Variants in SMPDL3A observed in about 807,000 individuals in gnomAD.
SMPDL3A encodes sphingomyelin phosphodiesterase acid like 3A.
Under a neutral mutation model 38.5 loss-of-function variants are expected in SMPDL3A, and 39 were observed. That is an observed-to-expected ratio of 1.01 (90% confidence interval 0.78 to 1.32). The LOEUF is 1.32. SMPDL3A is among the 40% of genes most tolerant of loss of function. The pLI, the probability that SMPDL3A is intolerant of heterozygous loss-of-function variation, is 0.00. For missense variants in SMPDL3A, 502 were observed against 536.2 expected (o/e 0.94, Z 0.63); for synonymous variants, 180 against 194.3 (o/e 0.93, Z 0.61).
At chr6:122,792,634 T>TCC (rs139738644) in intron 1 of SMPDL3A, among the ~76,000 whole-genome samples, 1 of 146,498 alleles carries the variant, frequency 6.8e-6, no homozygotes, top group African/African-American at 2.5e-5. Flanking sequence ...TTCTTCTTCT[T>TCC]CCCCTTTTTT....
At chr6:122,796,016 C>G in intron 2 of SMPDL3A, 126 bp downstream of exon 2, 1 of 691,780 alleles carries the variant, frequency 1.4e-6, no homozygotes, top group Non-Finnish European at 2.4e-6. Flanking sequence ...TAAAAAAACA[C>G]TAGGTCAAAC....
intron 4 of SMPDL3A, among the ~76,000 whole-genome samples, chr6:122,801,681 A>G (rs1345622957): frequency 6.6e-6 from 1 of 152,214 alleles, no homozygotes. Context: ...TTTGGATTTG[A>G]ATGTAAATAA....
At chr6:122,808,608 TC>T (rs752833818) in intron 7 of SMPDL3A, among the ~76,000 whole-genome samples, 10,110 of 71,722 alleles carry the variant, frequency 0.14, 557 homozygotes, top group Non-Finnish European at 0.17. Context: ...CCTCCCTCCC[TC>T]CCTTCCTTCC....
At chr6:122,802,052 T>G (rs1475168184) in intron 4 of SMPDL3A, among the ~76,000 whole-genome samples, 1 of 152,188 alleles carries the variant, frequency 6.6e-6, no homozygotes, top group Non-Finnish European at 1.5e-5. Context: ...CTTCTTTCGG[T>G]ATTTTTGTTA....
chr6:122,809,545 T>C lies in SMPDL3A; in HGVS notation c.*137T>C. 1 of 628,610 alleles carries C rather than the reference T, an allele frequency of 1.6e-6. No homozygotes were observed. The highest frequency in any genetic ancestry group is 2.8e-6 in the Non-Finnish European group (1 of 360,902). The allele number at this position is 628,610 out of a possible 1,614,324, so 38.9% of individuals were successfully genotyped here. A position where few individuals can be genotyped will look rare whatever the true frequency, so the allele number is the denominator to read the frequency against. The stretch of plus-strand genomic sequence containing the variant: ...TTTGCTTTCTTTTTTTTTTTCTTTT[T>C]GATGCCTTAATGTAGATATCTTTAT... On this transcript the variant is annotated 3_prime_UTR_variant, in exon 8 of 8. Coordinates refer to ENST00000368440, the MANE Select transcript of SMPDL3A (RefSeq NM_006714.5).
chr6:122,797,168 G>C lies in SMPDL3A; in HGVS notation c.471+200G>C, dbSNP rs536272492. On this transcript the variant is annotated intron_variant, in intron 3 of 7. Coordinates refer to ENST00000368440, the MANE Select transcript of SMPDL3A (RefSeq NM_006714.5). ...GTAATCTTTTAATACTTCATGAGAA[G>C]TTGTATCAATAGTGAGTTTTCAGAA... 2.4e-5 allele frequency: 10 copies of C among 423,352 alleles called. No homozygotes were observed. In the South Asian group the frequency reaches 7.7e-4, roughly 33 times the overall value. The allele number at this position is 423,352 out of a possible 1,614,324, so 26.2% of individuals were successfully genotyped here.
chr6:122,792,074 T>C (rs1030653966), intron 1 of SMPDL3A, among the ~76,000 whole-genome samples: 1 of 152,148 alleles, frequency 6.6e-6, no homozygotes, highest in Non-Finnish European at 1.5e-5. Flanking sequence ...CTAGGAAACA[T>C]GGATTGGAGT....
chr6:122,804,601 G>C (rs369813730), intron 5 of SMPDL3A, among the ~76,000 whole-genome samples: 1 of 152,074 alleles, frequency 6.6e-6, no homozygotes, highest in Non-Finnish European at 1.5e-5. Flanking sequence ...GCCACCTTGC[G>C]TAGCAAGTTT....
Position 122,801,371 on chromosome 6 carries a change from G to A in SMPDL3A, c.533G>A (p.Trp178Ter). The change falls in exon 4 of 8, where the codon TGG (tryptophan) becomes TAG (stop). Residue 178 changes from tryptophan to a stop codon, truncating the protein, a stop_gained. Transcript: ENST00000368440. LOFTEE classifies it high-confidence loss of function. ...YNAVANLWKP[W>*]LDEEAISTLR... ...GCAGTAGCAAACCTCTGGAAACCAT[G>A]GCTAGATGAAGAAGCTATTAGTACT... 4 of 1,612,996 alleles carry A rather than the reference G, an allele frequency of 2.5e-6. No individual in the cohort carries two copies. The highest frequency in any genetic ancestry group is 3.4e-6 in the Non-Finnish European group (4 of 1,178,988).
chr6:122,794,849 T>G (rs1191161405), intron 1 of SMPDL3A, among the ~76,000 whole-genome samples: 1 of 152,236 alleles, frequency 6.6e-6, no homozygotes, highest in Non-Finnish European at 1.5e-5. Flanking sequence ...TGAATTAATG[T>G]TGAGAGGCAA....
Position 122,796,897 on chromosome 6 carries a change from A to G in SMPDL3A, c.400A>G (p.Thr134Ala), listed in dbSNP as rs1781266273. Residue 134 changes from threonine (T) to alanine (A), a missense_variant, in exon 3 of 8, where the codon ACC becomes GCC. Physicochemically the swap from Thr to Ala is moderately conservative, Grantham distance 58. Coordinates refer to ENST00000368440, the MANE Select transcript of SMPDL3A (RefSeq NM_006714.5). ...TVINVITNMT[T>A]TIQSLFPNLQ... ...TATAAATGTGATCACTAATATGACA[A>G]CCACCATCCAGAGTCTCTTTCCAAA... 1.9e-6 allele frequency: 3 copies of G among 1,612,806 alleles called. No individual in the cohort carries two copies. Among genetic ancestry groups the G allele is most frequent in the African/African-American group, 1.3e-5 (1 of 74,896 alleles).
intron 3 of SMPDL3A, among the ~76,000 whole-genome samples, chr6:122,800,616 A>G (rs940716283): frequency 1.3e-5 from 2 of 152,108 alleles, no homozygotes; most frequent in Non-Finnish European, 2.9e-5. Flanking sequence ...GCCTATGCCT[A>G]TGTTTGTATC....
rs139029840 is a variant in SMPDL3A at position 122,809,197 on chromosome 6, A to T, written c.1151A>T (p.Gln384Leu). The T allele has an allele frequency of 3.7e-6, 6 of 1,614,202 alleles. No individual in the cohort carries two copies. In the African/African-American group the frequency reaches 6.7e-5, roughly 18 times the overall value. Reference sequence around the variant, plus strand: ...CAGACCTACGACATTGAAGATTTGCAGCCGGAAAGTTTATATGGATTAGCT... The same window carrying T: ...CAGACCTACGACATTGAAGATTTGCTGCCGGAAAGTTTATATGGATTAGCT... The part of the protein sequence containing the change: ...LTQTYDIEDL[Q>L]PESLYGLAKQ... The change falls in exon 8 of 8, where the codon CAG (glutamine) becomes CTG (leucine). Residue 384 changes from glutamine (Q) to leucine (L), a missense_variant. Transcript: ENST00000368440.
chr6:122,797,554 T>C (rs1781291724), intron 3 of SMPDL3A, among the ~76,000 whole-genome samples: 1 of 152,156 alleles, frequency 6.6e-6, no homozygotes, highest in Non-Finnish European at 1.5e-5. Context: ...AGGTTTTTAT[T>C]TGAGAACCAA....
intron 5 of SMPDL3A, 151 bp downstream of exon 5, chr6:122,803,984 CTTTT>C: frequency 2.0e-6 from 1 of 501,138 alleles, no homozygotes; most frequent in Non-Finnish European, 3.4e-6. Context: ...GATTTTCTTT[CTTTT>C]TTTTTTTTTT....
At chr6:122,806,401 C>G (rs574986806) in intron 7 of SMPDL3A, 44 bp downstream of exon 7, 1 of 1,553,080 alleles carries the variant, frequency 6.4e-7, no homozygotes, top group Non-Finnish European at 8.8e-7. Flanking sequence ...TTATGCATAT[C>G]TTTGCAGTTT....
At chr6:122,806,203 TG>T (rs1479134935) in intron 6 of SMPDL3A, 29 bp from the exon 7 acceptor site, 1 of 1,573,498 alleles carries the variant, frequency 6.4e-7, no homozygotes, top group East Asian at 2.3e-5. Context: ...TATTTAAAAA[TG>T]TATGTTTATG....
rs574105594 is a variant in SMPDL3A at position 122,804,893 on chromosome 6, G to T, written c.739-16G>T. 1.9e-6 allele frequency: 3 copies of T among 1,583,076 alleles called. No homozygotes were observed. The Admixed American group carries it at 5.7e-5, about 30-fold the overall frequency. On this transcript the variant is annotated splice_polypyrimidine_tract_variant and intron_variant, in intron 5 of 7. Transcript: ENST00000368440. ...AGAAAGATTCTCATGAGGCCTTTTT[G>T]TGTTTCTTTTTCCAGGTGTATATCA...
intron 1 of SMPDL3A, among the ~76,000 whole-genome samples, chr6:122,790,741 C>A (rs924751581): frequency 6.6e-6 from 1 of 152,210 alleles, no homozygotes; most frequent in African/African-American, 2.4e-5. Context: ...GCTTGTGTTC[C>A]TTTAATTATG....
Sources: gnomAD v4.1 joint callset for allele counts (sites outside exome capture counted in the v4.1 genomes callset) on GRCh38, gnomAD v4.1.1 for gene constraint, MANE v1.5 for transcripts, NCBI Gene and HGNC (gene_info 2026-07-23, HGNC 2026-07-21) for gene names.